Variants in SCG3 observed in about 807,000 individuals in gnomAD.
SCG3 encodes the protein secretogranin III, also known as secretogranin-3.
SCG3 carries 38 observed loss-of-function variants against 56.2 expected under a neutral mutation model. The observed-to-expected ratio is 0.68, with a 90% CI of 0.52 to 0.89. The LOEUF (loss-of-function observed/expected upper bound fraction) is 0.89, where lower values mean the gene tolerates loss of function less well. Ranked by LOEUF, SCG3 falls within the 40% of genes least tolerant of loss-of-function variation. The pLI, the probability that SCG3 is intolerant of heterozygous loss-of-function variation, is 0.00. For synonymous variants in SCG3, 176 were observed against 184.2 expected, an observed-to-expected ratio of 0.96 and a Z score of 0.36; for missense variants, 524 against 540.7, an observed-to-expected ratio of 0.97 and a Z score of 0.31.
chr15:51,698,684 G>A (rs1165567242), intron 8 of SCG3, among the ~76,000 whole-genome samples: 2 of 152,214 alleles, frequency 1.3e-5, no homozygotes, highest in African/African-American at 4.8e-5. Flanking sequence ...CCATCTCACA[G>A]CTCTGACTTT....
intron 10 of SCG3, among the ~76,000 whole-genome samples, chr15:51,709,447 G>T (rs1337578741): frequency 6.6e-6 from 1 of 151,658 alleles, no homozygotes; most frequent in African/African-American, 2.4e-5. Flanking sequence ...GTTTCTTCAT[G>T]AATAAAATGG....
At chr15:51,702,710 G>T (rs1411963261) in intron 10 of SCG3, among the ~76,000 whole-genome samples, 1 of 152,156 alleles carries the variant, frequency 6.6e-6, no homozygotes, top group African/African-American at 2.4e-5. Flanking sequence ...ACAAAGTTGT[G>T]CTAGTTACAT....
chr15:51,688,624 C>T (rs4775968), intron 5 of SCG3, among the ~76,000 whole-genome samples: 72,432 of 151,860 alleles, frequency 0.48, 18,399 homozygotes, highest in Non-Finnish European at 0.56. Context: ...ATGCCAGCTG[C>T]TTAAAAACCA....
chr15:51,687,222 G>A (rs1482861596), intron 4 of SCG3, among the ~76,000 whole-genome samples: 1 of 152,022 alleles, frequency 6.6e-6, no homozygotes, highest in East Asian at 1.9e-4. Flanking sequence ...ACTTTTAATG[G>A]CACAACAATC....
In SCG3 at chr15:51,683,284, G is replaced by A; in HGVS notation, c.247G>A (p.Glu83Lys). The A allele has an allele frequency of 1.2e-6, 2 of 1,613,786 alleles. No homozygotes were observed. Among genetic ancestry groups the A allele is most frequent in the Non-Finnish European group, 1.7e-6 (2 of 1,179,836 alleles). ...DNLNLLKAIT[E>K]KEKIEKERQS... ...CTTGAACCTGCTAAAGGCAATAACAGAAAAGGAAAAAATTGAGAAAGAAAG... is the reference window on the plus strand; with the variant it reads ...CTTGAACCTGCTAAAGGCAATAACAAAAAAGGAAAAAATTGAGAAAGAAAG... The change falls in exon 4 of 12, where the codon GAA (glutamate) becomes AAA (lysine). Residue 83 changes from glutamate to lysine, a missense_variant. Transcript: ENST00000220478.
At chr15:51,710,752 ATTT>A (rs60536489) in intron 10 of SCG3, among the ~76,000 whole-genome samples, 6 of 105,288 alleles carry the variant, frequency 5.7e-5, no homozygotes, top group African/African-American at 2.2e-4. Flanking sequence ...TGCCTGGCTA[ATTT>A]TTTTTTTTTT....
At chr15:51,715,010 T>C (rs1191894672) in intron 11 of SCG3, among the ~76,000 whole-genome samples, 1 of 152,226 alleles carries the variant, frequency 6.6e-6, no homozygotes, top group Non-Finnish European at 1.5e-5. Context: ...ATCACTGTAG[T>C]ACACTGTGTG....
At chr15:51,703,830 A>G (rs2055353573) in intron 10 of SCG3, among the ~76,000 whole-genome samples, 1 of 152,038 alleles carries the variant, frequency 6.6e-6, no homozygotes, top group South Asian at 2.1e-4. Context: ...TATCTTATAC[A>G]TTTTTATATT....
chr15:51,717,829 G>A (rs2055468136), intron 11 of SCG3, among the ~76,000 whole-genome samples: 1 of 152,194 alleles, frequency 6.6e-6, no homozygotes, highest in Admixed American at 6.5e-5. Flanking sequence ...TCATTGGATA[G>A]GCATGATTGA....
At chr15:51,714,149 C>T (rs757986052) in intron 11 of SCG3, among the ~76,000 whole-genome samples, 83 of 152,108 alleles carry the variant, frequency 5.5e-4, no homozygotes, top group Non-Finnish European at 1.8e-4. Context: ...CCATTCATGT[C>T]CCCAGGAACA....
chr15:51,699,016 C>A (rs1421400477), intron 8 of SCG3, among the ~76,000 whole-genome samples: 1 of 152,174 alleles, frequency 6.6e-6, no homozygotes, highest in African/African-American at 2.4e-5. Context: ...ATAGGTCAAA[C>A]CCCAAGTATC....
intron 11 of SCG3, among the ~76,000 whole-genome samples, chr15:51,715,975 G>A (rs766058414): frequency 4.0e-5 from 6 of 151,844 alleles, no homozygotes; most frequent in Non-Finnish European, 7.4e-5. Context: ...CTCCTGCTTC[G>A]GCCTCCCAAG....
chr15:51,694,391 T>G (rs2055288204), intron 7 of SCG3, among the ~76,000 whole-genome samples: 1 of 152,168 alleles, frequency 6.6e-6, no homozygotes. Flanking sequence ...CAGGCTCGTT[T>G]CTCAGGTTCT....
rs567391624 is a variant in SCG3, at chr15:51,696,556, A to T, written c.985+565A>T. 5.9e-5 allele frequency among the ~76,000 whole-genome samples: 9 copies of T among 152,328 alleles called. No individual in the cohort carries two copies. In the East Asian group the frequency reaches 1.7e-3, roughly 29 times the overall value. On this transcript the variant is annotated intron_variant, in intron 8 of 11. Transcript: ENST00000220478. ...ACAAAGCAAGACCCTGTCTCAGATA[A>T]ATAAATAGGAAATAAATAAAATAAA...
At chr15:51,708,509 A>ATT (rs1474385159) in intron 10 of SCG3, among the ~76,000 whole-genome samples, 2 of 152,222 alleles carry the variant, frequency 1.3e-5, no homozygotes, top group Non-Finnish European at 2.9e-5. Flanking sequence ...CAATTTGGAC[A>ATT]TTGGGCCTTT....
At chr15:51,704,352 T>A (rs144785296) in intron 10 of SCG3, among the ~76,000 whole-genome samples, 1 of 149,798 alleles carries the variant, frequency 6.7e-6, no homozygotes, top group African/African-American at 2.4e-5. Context: ...TTTTTAACTG[T>A]ACAGTTTTGA....
At chr15:51,711,095 C>T (rs2055417787) in intron 10 of SCG3, among the ~76,000 whole-genome samples, 1 of 152,188 alleles carries the variant, frequency 6.6e-6, no homozygotes, top group Non-Finnish European at 1.5e-5. Context: ...GAGCTCAATC[C>T]TATTGAAGAC....
rs113174627 is a variant in SCG3 at position 51,719,811 on chromosome 15, G to A, written c.*285G>A. 4.0e-4 allele frequency: 135 copies of A among 335,918 alleles called. No homozygotes were observed. In the Middle Eastern group the frequency reaches 5.2e-3, roughly 13 times the overall value. 20.8% of individuals were successfully genotyped at this position (335,918 alleles called of 1,614,324 possible). ...TGTTGCTTTGAAAAAGCCTCTAATG[G>A]ACTGACCTTAAAACTCATCCTTCTT... On this transcript the variant is annotated 3_prime_UTR_variant, in exon 12 of 12. Coordinates refer to ENST00000220478, the MANE Select transcript of SCG3 (RefSeq NM_013243.4).
At chr15:51,718,616 C>G (rs1436033061) in intron 11 of SCG3, among the ~76,000 whole-genome samples, 1 of 141,694 alleles carries the variant, frequency 7.1e-6, no homozygotes, top group African/African-American at 2.7e-5. Context: ...TTGCCTAATA[C>G]TTAAAGGATC....
Sources: allele counts gnomAD v4.1 joint callset (sites outside exome capture counted in the v4.1 genomes callset), GRCh38; gene constraint gnomAD v4.1.1; transcripts MANE v1.5; gene names NCBI Gene and HGNC (gene_info 2026-07-23, HGNC 2026-07-21).